CA8: variants seen among roughly 807,000 people sequenced by gnomAD.
CA8 encodes carbonic anhydrase-related protein.
CA8 carries 22 observed loss-of-function variants against 41.4 expected under a neutral mutation model. The ratio of observed to expected loss-of-function variants is 0.53; its 90% CI spans 0.38 to 0.76. The LOEUF (loss-of-function observed/expected upper bound fraction) is 0.76, where lower values mean the gene tolerates loss of function less well. Ranked by LOEUF, CA8 falls within the 30% of genes least tolerant of loss-of-function variation. CA8 has a pLI of 0.00. For synonymous variants in CA8, 121 were observed against 130.6 expected, an observed-to-expected ratio of 0.93 and a Z score of 0.50; for missense variants, 270 against 352.8, an observed-to-expected ratio of 0.77 and a Z score of 1.88.
chr8:60,224,548 G>T lies in CA8; in HGVS notation c.614C>A (p.Thr205Asn). The T allele has an allele frequency of 6.3e-7, 1 of 1,577,566 alleles. No homozygotes were observed. Among genetic ancestry groups the T allele is most frequent in the Non-Finnish European group, 8.7e-7 (1 of 1,147,628 alleles). Residue 205 changes from threonine (T) to asparagine (N), a missense_variant, in exon 6 of 9, where the codon ACT (threonine) becomes AAT (asparagine). Thr to Asn is a moderately conservative substitution (Grantham distance 65). Transcript: ENST00000317995. ...AGGTAAATACTCACCTGGTAATAAA[G>T]TGTTAGGATTAAAGCAAGGTATTGT... ...SKTIPCFNPNTLLPDPLLRDY... is the reference protein window; with the variant it reads ...SKTIPCFNPNNLLPDPLLRDY...
At chr8:60,247,188 C>T (rs949369423) in intron 3 of CA8, among the ~76,000 whole-genome samples, 7 of 152,226 alleles carry the variant, frequency 4.6e-5, no homozygotes, top group Middle Eastern at 3.4e-3. Context: ...CAGCCAATAA[C>T]GGCTTTTACA....
Position 60,208,840 on chromosome 8 carries a change from T to G in CA8, c.818A>C (p.Asn273Thr). ...ACTAAGAGGCTGAGTGGGCCGAAAG[T>G]TGTCTCCCAAAATCCCATCACAGCC... ...VEGCDGILGD[N>T]FRPTQPLSDR... The change falls in exon 8 of 9, where the codon AAC (asparagine) becomes ACC (threonine). Residue 273 changes from asparagine to threonine, a missense_variant. Physicochemically the swap from Asn to Thr is moderately conservative, Grantham distance 65. This residue lies in a region of CA8 where 141 missense variants were observed against 191.6 expected (regional missense o/e 0.74). Transcript: ENST00000317995. 1 of 1,614,148 alleles carries G rather than the reference T, an allele frequency of 6.2e-7. No homozygotes were observed. The highest frequency in any genetic ancestry group is 1.3e-5 in the African/African-American group (1 of 75,042).
rs751282028 is a variant in CA8, at chr8:60,266,007, A to G, written c.335T>C (p.Leu112Pro). Residue 112 changes from leucine (L) to proline (P), a missense_variant, in exon 3 of 9, where the codon CTG becomes CCG. This residue lies in a region of CA8 where 123 missense variants were observed against 136.8 expected (regional missense o/e 0.90). Transcript: ENST00000317995. ...GPLPQGHEFELYEVRFHWGRE... is the reference protein window; with the variant it reads ...GPLPQGHEFEPYEVRFHWGRE... ...TCCCCAGTGAAATCTCACTTCGTAC[A>G]GTTCAAATTCATGCCCTTGAGGCAA... The G allele has an allele frequency of 1.2e-6, 2 of 1,613,786 alleles. No individual in the cohort carries two copies. Among genetic ancestry groups the G allele is most frequent in the South Asian group, 1.1e-5 (1 of 91,078 alleles).
At chr8:60,275,194 T>C (rs1001886684) in intron 2 of CA8, among the ~76,000 whole-genome samples, 2 of 152,208 alleles carry the variant, frequency 1.3e-5, no homozygotes, top group Admixed American at 1.3e-4. Flanking sequence ...CCTTTCTTGA[T>C]CATGGTACTG....
intron 7 of CA8, among the ~76,000 whole-genome samples, chr8:60,221,032 T>C: frequency 6.6e-6 from 1 of 152,212 alleles, no homozygotes; most frequent in East Asian, 1.9e-4. Context: ...TATGTGAGCA[T>C]GAAATAAATT....
chr8:60,219,169 T>TC (rs1807142820), intron 7 of CA8, among the ~76,000 whole-genome samples: 1 of 151,680 alleles, frequency 6.6e-6, no homozygotes. Flanking sequence ...TCTGCCTTTT[T>TC]TTTTTTTTAG....
At chr8:60,232,674 C>A (rs980467583) in intron 3 of CA8, 4 of 427,988 alleles carry the variant, frequency 9.3e-6, no homozygotes, top group Non-Finnish European at 1.7e-5. Flanking sequence ...GTTATCTTTC[C>A]TTGGATGTCA....
At chr8:60,222,129 T>G (rs1010325523) in intron 7 of CA8, among the ~76,000 whole-genome samples, 5 of 152,194 alleles carry the variant, frequency 3.3e-5, no homozygotes, top group Non-Finnish European at 7.3e-5. Flanking sequence ...CCACCCACCG[T>G]GCAGTACCAT....
rs1435876711 is a variant in CA8 at position 60,189,476 on chromosome 8, A to G, written c.*545T>C. 6.6e-6 allele frequency: 1 copy of G among 152,172 alleles called. No homozygotes were observed. The highest frequency in any genetic ancestry group is 1.5e-5 in the Non-Finnish European group (1 of 68,014). The allele number at this position is 152,172 out of a possible 1,614,324, so 9.4% of individuals were successfully genotyped here. On this transcript the variant is annotated 3_prime_UTR_variant, in exon 9 of 9. Transcript: ENST00000317995. ...AATCCAGCCTAATATTAATTGTGGT[A>G]TGGGTGCTGAAAAAATAAAATGAGA...
rs1200823470 is a variant in CA8 at position 60,187,681 on chromosome 8, CGTTA to C, written c.*2336_*2339del. ...GTATTACTTTACACACCATCAGGTA[CGTTA>C]GTTACCATGAATCAGAGGCACTTAC... On this transcript the variant is annotated 3_prime_UTR_variant, in exon 9 of 9. Coordinates refer to ENST00000317995, the MANE Select transcript of CA8 (RefSeq NM_004056.6). The C allele has an allele frequency of 1.3e-5, 2 of 152,112 alleles. No individual in the cohort carries two copies. Among genetic ancestry groups the C allele is most frequent in the Non-Finnish European group, 2.9e-5 (2 of 67,998 alleles). 9.4% of individuals were successfully genotyped at this position (152,112 alleles called of 1,614,324 possible). A position where few individuals can be genotyped will look rare whatever the true frequency, so the allele number is the denominator to read the frequency against.
intron 7 of CA8, among the ~76,000 whole-genome samples, chr8:60,216,420 T>C (rs546826372): frequency 1.3e-5 from 2 of 152,366 alleles, no homozygotes; most frequent in East Asian, 1.9e-4. Context: ...TCTGTGCTAA[T>C]AGCACCTAAA....
chr8:60,224,995 T>C (rs995447101), intron 5 of CA8, among the ~76,000 whole-genome samples: 6 of 152,010 alleles, frequency 3.9e-5, no homozygotes, highest in Middle Eastern at 3.4e-3. Context: ...GCTCCTAACC[T>C]TTCCGGCATT....
intron 3 of CA8, among the ~76,000 whole-genome samples, chr8:60,236,202 G>C (rs972348781): frequency 2.0e-5 from 3 of 152,204 alleles, no homozygotes; most frequent in Non-Finnish European, 4.4e-5. Context: ...AAGGGTTTAA[G>C]AGCACAGACT....
At chr8:60,251,362 TA>T (rs1211683636) in intron 3 of CA8, among the ~76,000 whole-genome samples, 1 of 152,244 alleles carries the variant, frequency 6.6e-6, no homozygotes, top group Admixed American at 6.5e-5. Context: ...TGCCAGGAAC[TA>T]AAATTCTATT....
intron 6 of CA8, among the ~76,000 whole-genome samples, chr8:60,223,957 A>G (rs1807336851): frequency 6.6e-6 from 1 of 152,268 alleles, no homozygotes; most frequent in Non-Finnish European, 1.5e-5. Context: ...CAAGTGGAAT[A>G]ATACATAATA....
chr8:60,192,305 C>T lies in CA8; in HGVS notation c.*36-2320G>A, dbSNP rs566401159. Among the ~76,000 whole-genome samples, 52 of 152,266 alleles carry T rather than the reference C, an allele frequency of 3.4e-4. 1 individual carries two copies. Among genetic ancestry groups the T allele is most frequent in the African/African-American group, 1.2e-3 (50 of 41,564 alleles). ...ATCCAATTTGCTGTAAGATTTTAGGCAATTTACTTGCCCCTTCTGAGACTC... is the reference window on the plus strand; with the variant it reads ...ATCCAATTTGCTGTAAGATTTTAGGTAATTTACTTGCCCCTTCTGAGACTC... On this transcript the variant is annotated intron_variant, in intron 8 of 8. Transcript: ENST00000317995.
At position 60,186,340 on chromosome 8, in the gene CA8, A is replaced by G. The variant is rs1462361148; in HGVS notation, c.*3681T>C. The stretch of plus-strand genomic sequence containing the variant: ...TAAAGTTATTATAAATCTGAAATAG[A>G]TTCTGATAAATTAACAAGTATATGA... On this transcript the variant is annotated 3_prime_UTR_variant, in exon 9 of 9. Coordinates refer to ENST00000317995, the MANE Select transcript of CA8 (RefSeq NM_004056.6). 1.3e-4 allele frequency among the ~76,000 whole-genome samples: 20 copies of G among 152,138 alleles called. No individual in the cohort carries two copies. Among genetic ancestry groups the G allele is most frequent in the Non-Finnish European group, 4.4e-5 (3 of 67,922 alleles).
At position 60,209,055 on chromosome 8, in the gene CA8, A is replaced by C; in HGVS notation, c.739-136T>G. 4.9e-6 allele frequency: 5 copies of C among 1,025,318 alleles called. No homozygotes were observed. In the South Asian group the frequency reaches 7.8e-5, roughly 16 times the overall value. The allele number at this position is 1,025,318 out of a possible 1,614,324, so 63.5% of individuals were successfully genotyped here. A position where few individuals can be genotyped will look rare whatever the true frequency, so the allele number is the denominator to read the frequency against. ...GAGAAAATTAAAATTAAGCTTCAAA[A>C]AGAAAAAAAACAGACTTAATTCTTC... On this transcript the variant is annotated intron_variant, in intron 7 of 8. Transcript: ENST00000317995.
chr8:60,237,371 G>A (rs117974893), intron 3 of CA8, among the ~76,000 whole-genome samples: 4,837 of 152,306 alleles, frequency 0.032, 101 homozygotes, highest in Middle Eastern at 0.088. Context: ...AGGGAAGCAG[G>A]ATGATGGATT....
Sources: gnomAD v4.1 joint callset for allele counts (sites outside exome capture counted in the v4.1 genomes callset) on GRCh38, gnomAD v4.1.1 for gene constraint, gnomAD v4.1.1 regional missense constraint, MANE v1.5 for transcripts, NCBI Gene and HGNC (gene_info 2026-07-23, HGNC 2026-07-21) for gene names.